Variants in CRYZL1 observed in about 807,000 individuals in gnomAD.
The protein encoded by CRYZL1 is ferry endosomal RAB5 effector complex subunit 4.
CRYZL1 carries 34 observed loss-of-function variants against 50.6 expected under a neutral mutation model. The ratio of observed to expected loss-of-function variants is 0.67; its 90% CI spans 0.51 to 0.89. The LOEUF is 0.89. Among genes scored for constraint, CRYZL1 ranks in the 40% least tolerant of loss-of-function variants. The probability of loss-of-function intolerance (pLI) is 0.00; values close to 1 mark genes in which losing one functional copy is unlikely to be tolerated. For missense variants in CRYZL1, 354 were observed against 402.3 expected, an observed-to-expected ratio of 0.88 and a Z score of 1.03; for synonymous variants, 125 against 134.3, an observed-to-expected ratio of 0.93 and a Z score of 0.48.
chr21:33,606,891 A>C (rs1022110739), intron 6 of CRYZL1, among the ~76,000 whole-genome samples: 1 of 151,870 alleles, frequency 6.6e-6, no homozygotes, highest in African/African-American at 2.4e-5. Context: ...CATGCCTGTA[A>C]TCCCAGCTAC....
At chr21:33,592,233 C>T (rs993861861) in intron 11 of CRYZL1, among the ~76,000 whole-genome samples, 2 of 150,828 alleles carry the variant, frequency 1.3e-5, no homozygotes, top group Non-Finnish European at 2.9e-5. Context: ...GCCTCAACCT[C>T]TCAGGCTCTA....
intron 6 of CRYZL1, among the ~76,000 whole-genome samples, chr21:33,612,435 C>A (rs982868170): frequency 6.6e-6 from 1 of 152,040 alleles, no homozygotes; most frequent in African/African-American, 2.4e-5. Flanking sequence ...TACAGGCGTG[C>A]GCCAACAGCC....
chr21:33,632,870 T>A (rs886558494), intron 1 of CRYZL1, among the ~76,000 whole-genome samples: 1 of 152,194 alleles, frequency 6.6e-6, no homozygotes, highest in African/African-American at 2.4e-5. Context: ...AGGAGACACA[T>A]CATCATACAC....
chr21:33,595,191 G>A (rs2086681832), intron 11 of CRYZL1: 1 of 1,135,508 alleles, frequency 8.8e-7, no homozygotes, highest in African/African-American at 1.6e-5. Context: ...AATCACACCA[G>A]ACTTATCTCT....
At position 33,596,091 on chromosome 21, in the gene CRYZL1, G is replaced by C. The variant is rs2086690501; in HGVS notation, c.799-255C>G. The C allele has an allele frequency of 4.9e-6, 3 of 606,614 alleles. No homozygotes were observed. In the South Asian group the frequency reaches 5.0e-5, roughly 10 times the overall value. The allele number at this position is 606,614 out of a possible 1,614,324, so 37.6% of individuals were successfully genotyped here. A position where few individuals can be genotyped will look rare whatever the true frequency, so the allele number is the denominator to read the frequency against. Reference sequence around the variant, plus strand: ...GTGGTGAAGTGGTAGGGGTGTGTGTGTGTCTTTTCTGGCCATCTTCATGAG... The same window carrying C: ...GTGGTGAAGTGGTAGGGGTGTGTGTCTGTCTTTTCTGGCCATCTTCATGAG... On this transcript the variant is annotated intron_variant, in intron 10 of 12. Transcript: ENST00000381554.
chr21:33,612,059 T>C (rs2145935634), intron 6 of CRYZL1, among the ~76,000 whole-genome samples: 1 of 152,332 alleles, frequency 6.6e-6, no homozygotes, highest in Admixed American at 6.5e-5. Context: ...TTGGGCTGTT[T>C]CCAGTTTCTT....
intron 2 of CRYZL1, among the ~76,000 whole-genome samples, chr21:33,625,158 ATTT>A (rs35814819): frequency 2.1e-5 from 3 of 143,488 alleles, no homozygotes; most frequent in Admixed American, 7.0e-5. Flanking sequence ...ACCTTTACTG[ATTT>A]TTTTTTTTTT....
intron 2 of CRYZL1, among the ~76,000 whole-genome samples, chr21:33,627,609 A>G (rs1327472302): frequency 2.0e-5 from 3 of 152,218 alleles, no homozygotes; most frequent in African/African-American, 7.2e-5. Context: ...TTAAAGTAAT[A>G]AAAAACTTGG....
intron 6 of CRYZL1, among the ~76,000 whole-genome samples, chr21:33,608,644 C>T (rs2086838510): frequency 6.6e-6 from 1 of 152,158 alleles, no homozygotes; most frequent in African/African-American, 2.4e-5. Context: ...CTGTGCCTGG[C>T]TTATTTCACT....
chr21:33,600,933 G>GTTTTTT (rs764185960), intron 8 of CRYZL1, among the ~76,000 whole-genome samples: 26,422 of 59,412 alleles, frequency 0.44, 9,520 homozygotes, highest in East Asian at 0.59. Context: ...GGTCCATAAA[G>GTTTTTT]TTTTTTTTTT....
At chr21:33,598,366 A>T (rs2086716781) in intron 9 of CRYZL1, among the ~76,000 whole-genome samples, 1 of 152,238 alleles carries the variant, frequency 6.6e-6, no homozygotes, top group South Asian at 2.1e-4. Flanking sequence ...TTCATCCATG[A>T]TTCTCACATT....
intron 9 of CRYZL1, 127 bp from the exon 10 acceptor site, chr21:33,597,528 C>G: frequency 1.4e-6 from 1 of 710,224 alleles, no homozygotes; most frequent in Non-Finnish European, 2.3e-6. Context: ...GTTGCCCAGG[C>G]TGGCCTGGAC....
Position 33,616,752 on chromosome 21 carries a change from TA to T in CRYZL1, c.218-3del. The T allele has an allele frequency of 6.3e-7, 1 of 1,599,646 alleles. No homozygotes were observed. Among genetic ancestry groups the T allele is most frequent in the Non-Finnish European group, 8.5e-7 (1 of 1,172,290 alleles). ...GAAAGAATGATACCTTGCTTCCAAC[TA>T]AAGAGTGAAGAAAATTAATAGTTAA... On this transcript the variant is annotated splice_region_variant and splice_polypyrimidine_tract_variant and intron_variant, in intron 4 of 12. Transcript: ENST00000381554.
intron 1 of CRYZL1, among the ~76,000 whole-genome samples, chr21:33,636,482 A>C (rs1247496529): frequency 6.6e-6 from 1 of 152,254 alleles, no homozygotes; most frequent in Non-Finnish European, 1.5e-5. Flanking sequence ...AAAATGTTTG[A>C]ATTAATCCAC....
intron 4 of CRYZL1, among the ~76,000 whole-genome samples, chr21:33,620,902 CTTTTTT>C (rs1217062963): frequency 1.2e-4 from 8 of 69,102 alleles, no homozygotes; most frequent in East Asian, 5.2e-4. Flanking sequence ...GGTGTCCAAT[CTTTTTT>C]TTTTTTTTTT....
At chr21:33,593,176 G>A (rs542822761) in intron 11 of CRYZL1, among the ~76,000 whole-genome samples, 2 of 151,892 alleles carry the variant, frequency 1.3e-5, no homozygotes, top group African/African-American at 2.4e-5. Context: ...GCACGACCTC[G>A]GCTCACTGCA....
intron 5 of CRYZL1, among the ~76,000 whole-genome samples, chr21:33,614,293 T>A (rs1277765222): frequency 6.6e-6 from 1 of 152,110 alleles, no homozygotes; most frequent in Non-Finnish European, 1.5e-5. Flanking sequence ...AAAGCCAGCC[T>A]GGTCAACATA....
Position 33,622,061 on chromosome 21 carries a change from G to T in CRYZL1, c.152C>A (p.Ala51Glu). 6.2e-7 allele frequency: 1 copy of T among 1,612,032 alleles called. No homozygotes were observed. The highest frequency in any genetic ancestry group is 8.5e-7 in the Non-Finnish European group (1 of 1,178,716). ...ALSQINTKLL[A>E]EMKMKKDLFP... ...TAAATCCTTTTTCATCTTCATTTCT[G>T]CCAGAAGCTAAATCATGACAAAGGC... The change falls in exon 4 of 13, where the codon GCA becomes GAA. Residue 51 changes from alanine to glutamate, a missense_variant. Physicochemically the swap from Ala to Glu is moderately radical, Grantham distance 107 (BLOSUM62 -1). Coordinates refer to ENST00000381554, the MANE Select transcript of CRYZL1 (RefSeq NM_145858.3).
intron 2 of CRYZL1, among the ~76,000 whole-genome samples, chr21:33,626,556 G>A (rs767449895): frequency 1.3e-5 from 2 of 151,850 alleles, no homozygotes; most frequent in Non-Finnish European, 2.9e-5. Context: ...AAATAGCTGG[G>A]CATGGTTGCG....
Sources: allele counts gnomAD v4.1 joint callset (sites outside exome capture counted in the v4.1 genomes callset), GRCh38; gene constraint gnomAD v4.1.1; transcripts MANE v1.5; gene names NCBI Gene and HGNC (gene_info 2026-07-23, HGNC 2026-07-21).